The following NTNG1 variants were observed in gnomAD, a reference collection of about 807,000 sequenced individuals.
NTNG1 encodes netrin-G1.
In NTNG1, 16 loss-of-function variants were observed where a neutral mutation model predicts 54.0. The ratio of observed to expected loss-of-function variants is 0.30; its 90% CI spans 0.20 to 0.45. The LOEUF is 0.45. NTNG1 is among the 20% of genes least tolerant of loss of function. The probability of loss-of-function intolerance (pLI) is 1.00; values close to 1 mark genes in which losing one functional copy is unlikely to be tolerated. For missense variants in NTNG1, 530 were observed against 678.7 expected, an observed-to-expected ratio of 0.78 and a Z score of 2.43; for synonymous variants, 255 against 263.1, an observed-to-expected ratio of 0.97 and a Z score of 0.30.
At chr1:107,429,113 C>T (rs1174799613) in intron 5 of NTNG1, among the ~76,000 whole-genome samples, 2 of 152,006 alleles carry the variant, frequency 1.3e-5, no homozygotes, top group African/African-American at 4.8e-5. Context: ...CTCAAATAAA[C>T]GAAGTGGTTT....
At chr1:107,386,151 A>ATATG (rs1361718026) in intron 3 of NTNG1, among the ~76,000 whole-genome samples, 1 of 105,110 alleles carries the variant, frequency 9.5e-6, no homozygotes, top group Non-Finnish European at 2.1e-5. Flanking sequence ...ATATGTGTGT[A>ATATG]TATATATATA....
chr1:107,455,524 T>G (rs1676897930), intron 7 of NTNG1: 1 of 427,002 alleles, frequency 2.3e-6, no homozygotes, highest in Non-Finnish European at 4.9e-6. Flanking sequence ...AACAGCTGTG[T>G]TAGTGTGCGT....
Position 107,324,872 on chromosome 1 carries a change from A to G in NTNG1, c.837A>G (p.Leu279=). Residue 279 remains leucine (L), a synonymous_variant, in exon 3 of 8, where the codon CTA becomes CTG. Coordinates refer to ENST00000370068, the MANE Select transcript of NTNG1 (RefSeq NM_001113226.3). ...TTGGGGAAATATTTGTAGATGAGCTACACTTGGCACGCTACTTTTACGCGA... is the reference window on the plus strand; with the variant it reads ...TTGGGGAAATATTTGTAGATGAGCTGCACTTGGCACGCTACTTTTACGCGA... ...PAVGEIFVDE[L]HLARYFYAIS... The G allele has an allele frequency of 6.2e-7, 1 of 1,613,376 alleles. No homozygotes were observed. Among genetic ancestry groups the G allele is most frequent in the Non-Finnish European group, 8.5e-7 (1 of 1,179,584 alleles).
chr1:107,466,929 G>T (rs1571024615), intron 7 of NTNG1, among the ~76,000 whole-genome samples: 1 of 152,152 alleles, frequency 6.6e-6, no homozygotes, highest in East Asian at 1.9e-4. Flanking sequence ...CCCCTTTTCA[G>T]GTCCACTAAG....
chr1:107,231,914 G>A (rs953341675), intron 2 of NTNG1, among the ~76,000 whole-genome samples: 1 of 152,052 alleles, frequency 6.6e-6, no homozygotes, highest in Non-Finnish European at 1.5e-5. Context: ...AGTGAAATCA[G>A]TCTGGAAACT....
At position 107,480,689 on chromosome 1, in the gene NTNG1, C is replaced by G. The variant is rs371989097; in HGVS notation, c.1469C>G (p.Ala490Gly). Residue 490 changes from alanine to glycine, a missense_variant, in exon 8 of 8, where the codon GCC becomes GGC. Physicochemically the swap from Ala to Gly is moderately conservative, Grantham distance 60. Around this residue, in one of 2 missense-constraint regions of NTNG1, gnomAD observed 212 missense variants for 213.6 expected, o/e 0.99. Coordinates refer to ENST00000370068, the MANE Select transcript of NTNG1 (RefSeq NM_001113226.3). ...CHNNVRCLCPAAYTGILCEKL... is the reference protein window; with the variant it reads ...CHNNVRCLCPGAYTGILCEKL... Reference sequence around the variant, plus strand: ...AACAACGTGCGCTGCCTGTGCCCGGCCGCATACACGGGCATCCTCTGCGAG... The same window carrying G: ...AACAACGTGCGCTGCCTGTGCCCGGGCGCATACACGGGCATCCTCTGCGAG... 10 of 1,610,702 alleles carry G rather than the reference C, an allele frequency of 6.2e-6. No individual in the cohort carries two copies. Among genetic ancestry groups the G allele is most frequent in the Non-Finnish European group, 8.5e-6 (10 of 1,178,994 alleles).
chr1:107,391,010 A>G (rs1298312258), intron 3 of NTNG1, among the ~76,000 whole-genome samples: 2 of 152,186 alleles, frequency 1.3e-5, no homozygotes, highest in Non-Finnish European at 2.9e-5. Flanking sequence ...TTTTTTGTAT[A>G]CCAGAAAGGA....
rs368411567 is a variant in NTNG1, at chr1:107,399,891, C to G, written c.1060+4565C>G. 3.4e-4 allele frequency among the ~76,000 whole-genome samples: 52 copies of G among 151,992 alleles called. No individual in the cohort carries two copies. The South Asian group carries it at 0.01, about 30-fold the overall frequency. ...CAAGTCAGTTTTCTCTAAACCTGCC[C>G]TCTTCCTTCATCTCTGCCTGTTATT... On this transcript the variant is annotated intron_variant, in intron 4 of 7. Coordinates refer to ENST00000370068, the MANE Select transcript of NTNG1 (RefSeq NM_001113226.3).
chr1:107,263,067 G>A (rs757017824), intron 2 of NTNG1, among the ~76,000 whole-genome samples: 1 of 152,284 alleles, frequency 6.6e-6, no homozygotes, highest in East Asian at 1.9e-4. Context: ...TGATAAAAGA[G>A]GGGGGAATGC....
At chr1:107,173,939 C>A (rs1656451368) in intron 2 of NTNG1, among the ~76,000 whole-genome samples, 1 of 151,892 alleles carries the variant, frequency 6.6e-6, no homozygotes, top group Admixed American at 6.6e-5. Context: ...GTCAACACTA[C>A]CTTTGAGAGA....
intron 7 of NTNG1, among the ~76,000 whole-genome samples, chr1:107,466,884 A>G (rs965871773): frequency 6.6e-6 from 1 of 152,160 alleles, no homozygotes; most frequent in African/African-American, 2.4e-5. Context: ...AAGCTGTAAA[A>G]TACCCTTCTG....
rs765079659 is a variant in NTNG1 at position 107,480,875 on chromosome 1, C to T, written c.*35C>T. 1.1e-5 allele frequency: 17 copies of T among 1,489,240 alleles called. No homozygotes were observed. The African/African-American group carries it at 2.1e-4, about 18-fold the overall frequency. 92.3% of individuals were successfully genotyped at this position (1,489,240 alleles called of 1,614,324 possible). On this transcript the variant is annotated 3_prime_UTR_variant, in exon 8 of 8. Coordinates refer to ENST00000370068, the MANE Select transcript of NTNG1 (RefSeq NM_001113226.3). The stretch of plus-strand genomic sequence containing the variant: ...CCAGCCACACCGGACGGGCCTGTGC[C>T]GTGGGGAAGCAGACACAACCCAAAC...
intron 2 of NTNG1, among the ~76,000 whole-genome samples, chr1:107,302,562 T>C (rs1666389822): frequency 6.6e-6 from 1 of 152,140 alleles, no homozygotes; most frequent in African/African-American, 2.4e-5. Flanking sequence ...GTCAAAGATG[T>C]ACATTTTTTT....
At chr1:107,376,301 G>C (rs564488510) in intron 3 of NTNG1, among the ~76,000 whole-genome samples, 1 of 152,040 alleles carries the variant, frequency 6.6e-6, no homozygotes, top group African/African-American at 2.4e-5. Flanking sequence ...CCAGCTACTC[G>C]GGAGGCTGAG....
intron 2 of NTNG1, among the ~76,000 whole-genome samples, chr1:107,246,427 T>C (rs1333040472): frequency 1.3e-5 from 2 of 150,180 alleles, no homozygotes; most frequent in African/African-American, 2.5e-5. Context: ...AAAAAAAATG[T>C]CCTTGTGGGA....
intron 2 of NTNG1, among the ~76,000 whole-genome samples, chr1:107,210,116 G>A (rs181719570): frequency 1.4e-4 from 21 of 152,208 alleles, no homozygotes; most frequent in Middle Eastern, 6.8e-3. Flanking sequence ...GGACATTAAC[G>A]GAGGGGGAGA....
chr1:107,431,859 C>T (rs917499716), intron 6 of NTNG1, among the ~76,000 whole-genome samples: 20 of 152,088 alleles, frequency 1.3e-4, no homozygotes, highest in African/African-American at 4.6e-4. Flanking sequence ...CATTGAGGTA[C>T]GTTCAATAGG....
In NTNG1 at chr1:107,426,418, A is replaced by C. The variant is rs572153909; in HGVS notation, c.1088-4332A>C. Among the ~76,000 whole-genome samples the C allele has an allele frequency of 1.6e-3, 248 of 152,240 alleles. 2 individuals carry two copies. Among genetic ancestry groups the C allele is most frequent in the South Asian group, 0.011 (51 of 4,820 alleles). ...CCAGTTTTCTCAGCACTGTTTATTGAATAGGGTGCTTTTCCCCATTGCTTA... is the reference window on the plus strand; with the variant it reads ...CCAGTTTTCTCAGCACTGTTTATTGCATAGGGTGCTTTTCCCCATTGCTTA... On this transcript the variant is annotated intron_variant, in intron 5 of 7. Transcript: ENST00000370068.
rs1020598931 is a variant in NTNG1 at position 107,241,417 on chromosome 1, GA to G, written c.247-82858del. Among the ~76,000 whole-genome samples the G allele has an allele frequency of 6.6e-5, 10 of 152,224 alleles. No homozygotes were observed. The East Asian group carries it at 1.7e-3, about 26-fold the overall frequency. The stretch of plus-strand genomic sequence containing the variant: ...AGGAAGCGGTAATATTTACTATACA[GA>G]AAAAAATTGCCTTCAGTTAATGTTC... On this transcript the variant is annotated intron_variant, in intron 2 of 7. Transcript: ENST00000370068.
Sources: allele counts gnomAD v4.1 joint callset (sites outside exome capture counted in the v4.1 genomes callset), GRCh38; gene constraint gnomAD v4.1.1; regional missense constraint gnomAD v4.1.1; transcripts MANE v1.5; gene names NCBI Gene and HGNC (gene_info 2026-07-23, HGNC 2026-07-21).